KALRN: variants seen among roughly 807,000 people sequenced by gnomAD.
The protein encoded by KALRN is kalirin.
Under a neutral mutation model 353.7 loss-of-function variants are expected in KALRN, and 70 were observed. That is an observed-to-expected ratio of 0.20 (90% CI 0.16 to 0.24). The LOEUF is 0.24. KALRN is among the 10% of genes least tolerant of loss of function. The pLI, the probability that KALRN is intolerant of heterozygous loss-of-function variation, is 1.00. For missense variants in KALRN, 2,791 were observed against 3,756.7 expected (o/e 0.74, Z 6.72); for synonymous variants, 1,391 against 1,434.8 (o/e 0.97, Z 0.69).
intron 1 of KALRN, among the ~76,000 whole-genome samples, chr3:124,183,343 A>G (rs942708482): frequency 2.0e-5 from 3 of 152,146 alleles, no homozygotes; most frequent in African/African-American, 4.8e-5. Context: ...GAAGCTTCCA[A>G]TCATGGTGGA....
chr3:124,115,607 T>C (rs894798219), intron 1 of KALRN, among the ~76,000 whole-genome samples: 1 of 152,168 alleles, frequency 6.6e-6, no homozygotes, highest in African/African-American at 2.4e-5. Flanking sequence ...GTGTTGACCT[T>C]GGCTGTAGAG....
In KALRN at chr3:124,491,389, C is replaced by T. The variant is rs373617742; in HGVS notation, c.4654C>T (p.Arg1552Cys). 17 of 1,609,334 alleles carry T rather than the reference C, an allele frequency of 1.1e-5. No individual in the cohort carries two copies. The highest frequency in any genetic ancestry group is 3.4e-5 in the Admixed American group (2 of 59,542). Residue 1552 changes from arginine to cysteine, a missense_variant, in exon 31 of 60, where the codon CGC becomes TGC. By Grantham distance (180) the Arg-to-Cys change is radical. Transcript: ENST00000682506. ...CTGCAAATTCGCCTTGTGGTCTGGGCGCACCCCATCCTCAGACAATAAAAC... is the reference window on the plus strand; with the variant it reads ...CTGCAAATTCGCCTTGTGGTCTGGGTGCACCCCATCCTCAGACAATAAAAC... ...DPCKFALWSGRTPSSDNKTVL... is the reference protein window; with the variant it reads ...DPCKFALWSGCTPSSDNKTVL...
intron 26 of KALRN, among the ~76,000 whole-genome samples, chr3:124,475,392 CGTT>C (rs1561064996): frequency 6.6e-6 from 1 of 152,136 alleles, no homozygotes; most frequent in African/African-American, 2.4e-5. Flanking sequence ...TAAACTGAAA[CGTT>C]AGTCTTCATT....
intron 21 of KALRN, among the ~76,000 whole-genome samples, chr3:124,448,356 A>T (rs1365387065): frequency 6.6e-6 from 1 of 152,054 alleles, no homozygotes; most frequent in Non-Finnish European, 1.5e-5. Flanking sequence ...TTGGTCACAT[A>T]ACCACCCAGA....
intron 34 of KALRN, among the ~76,000 whole-genome samples, chr3:124,614,241 CTTATTTATTTATTTATTTATTTAT>C (rs10666219): frequency 7.0e-6 from 1 of 142,868 alleles, no homozygotes; most frequent in Admixed American, 7.0e-5. Context: ...TTCTAAAATT[CTTATTTATTTATTTATTTATTTAT>C]TTATTTATTT....
intron 33 of KALRN, among the ~76,000 whole-genome samples, chr3:124,539,442 A>C (rs1025279821): frequency 4.6e-5 from 7 of 152,148 alleles, no homozygotes; most frequent in Non-Finnish European, 5.9e-5. Context: ...TGAGCATGAC[A>C]ATAATTATCT....
Position 124,168,542 on chromosome 3 carries a change from A to G in KALRN, c.74-59448A>G, listed in dbSNP as rs553279704. Among the ~76,000 whole-genome samples the G allele has an allele frequency of 1.4e-3, 220 of 152,326 alleles. 1 individual carries two copies. Among genetic ancestry groups the G allele is most frequent in the African/African-American group, 5.1e-3 (211 of 41,578 alleles). ...GAGAGTCATTGGGAGGGCCTGGATC[A>G]GTGGCTCAGCCAAGTTAAACTAGGG... On this transcript the variant is annotated intron_variant, in intron 1 of 59. Transcript: ENST00000682506.
intron 10 of KALRN, among the ~76,000 whole-genome samples, chr3:124,366,878 G>A (rs1268318191): frequency 4.4e-5 from 6 of 135,060 alleles, no homozygotes; most frequent in South Asian, 2.3e-4. Flanking sequence ...TGGCCGGGCG[G>A]GGGGCTGACC....
chr3:124,114,290 T>C (rs2063261127), intron 1 of KALRN, among the ~76,000 whole-genome samples: 1 of 152,202 alleles, frequency 6.6e-6, no homozygotes, highest in Non-Finnish European at 1.5e-5. Context: ...AAATGGGATT[T>C]GGGGATACCA....
intron 33 of KALRN, among the ~76,000 whole-genome samples, chr3:124,557,340 AG>A (rs2071394069): frequency 6.6e-6 from 1 of 152,234 alleles, no homozygotes; most frequent in South Asian, 2.1e-4. Flanking sequence ...TCATGCTTAA[AG>A]TACAGCTGCA....
At position 124,033,585 on chromosome 3, in the gene KALRN, A is replaced by C. The variant is rs1034389410; in HGVS notation, c.-156A>C. Among the ~76,000 whole-genome samples, 1 of 150,952 alleles carries C rather than the reference A, an allele frequency of 6.6e-6. No homozygotes were observed. The highest frequency in any genetic ancestry group is 1.5e-5 in the Non-Finnish European group (1 of 67,662). ...AGGGAGGCTCAGCGTCCTCTGCCCC[A>C]GCCCCGCCGCCCAACGCCCGCCCTC... On this transcript the variant is annotated 5_prime_UTR_variant, in exon 1 of 60. Coordinates refer to ENST00000682506, the MANE Select transcript of KALRN (RefSeq NM_001388419.1). The surrounding 1 kb of genome is among the most constrained non-coding windows in gnomAD (Gnocchi z 6.2).
intron 34 of KALRN, among the ~76,000 whole-genome samples, chr3:124,599,644 G>C (rs542308848): frequency 2.6e-5 from 4 of 152,180 alleles, no homozygotes; most frequent in African/African-American, 9.7e-5. Context: ...CATTTGGGAC[G>C]TTGTACTCAG....
chr3:124,618,539 T>C (rs922264303), intron 34 of KALRN, among the ~76,000 whole-genome samples: 2 of 152,200 alleles, frequency 1.3e-5, no homozygotes, highest in Admixed American at 1.3e-4. Flanking sequence ...TTTTGAGTCT[T>C]TGTGCTTATT....
intron 2 of KALRN, 72 bp downstream of exon 2, chr3:124,228,136 A>T: frequency 8.1e-7 from 1 of 1,237,082 alleles, no homozygotes; most frequent in Non-Finnish European, 1.2e-6. Flanking sequence ...GTTCAGATTC[A>T]CTTGTGTGTT....
At chr3:124,300,322 C>G (rs890321745) in intron 6 of KALRN, among the ~76,000 whole-genome samples, 2 of 152,282 alleles carry the variant, frequency 1.3e-5, no homozygotes, top group Middle Eastern at 3.4e-3. Context: ...AACCAAGAAC[C>G]TTAAAATGTC....
chr3:124,230,868 A>C lies in KALRN; in HGVS notation c.148+2804A>C, dbSNP rs1017680450. On this transcript the variant is annotated intron_variant, in intron 2 of 59. Coordinates refer to ENST00000682506, the MANE Select transcript of KALRN (RefSeq NM_001388419.1). ...AAAACCCCCAAAACCAAAAAAAAAA[A>C]AAACAAAAAAAAAACACCAAACCAA... is the stretch of plus-strand genomic sequence containing the variant. Among the ~76,000 whole-genome samples, 7 of 121,252 alleles carry C rather than the reference A, an allele frequency of 5.8e-5. No homozygotes were observed. The East Asian group carries it at 9.4e-4, about 16-fold the overall frequency. The allele number at this position is 121,252 out of a possible 152,430, so 79.5% of individuals were successfully genotyped here. A position where few individuals can be genotyped will look rare whatever the true frequency, so the allele number is the denominator to read the frequency against.
In KALRN at chr3:124,254,998, T is replaced by G. The variant is rs540142967; in HGVS notation, c.264-9500T>G. On this transcript the variant is annotated intron_variant, in intron 3 of 59. Transcript: ENST00000682506. Reference sequence around the variant, plus strand: ...TTTGCTCTTGTTACCCAGGCTGGAGTGCAATGGTGCGATCTCAGCTCACTG... The same window carrying G: ...TTTGCTCTTGTTACCCAGGCTGGAGGGCAATGGTGCGATCTCAGCTCACTG... Among the ~76,000 whole-genome samples the G allele has an allele frequency of 7.9e-5, 12 of 152,170 alleles. No homozygotes were observed. In the South Asian group the frequency reaches 2.5e-3, roughly 32 times the overall value.
rs371301811 is a variant in KALRN, at chr3:124,391,724, G to A, written c.1963-3411G>A. On this transcript the variant is annotated intron_variant, in intron 11 of 59. Coordinates refer to ENST00000682506, the MANE Select transcript of KALRN (RefSeq NM_001388419.1). ...TACCTTATGGTGCTAAATCTCAGAG[G>A]TGCTTATTCAAAATTATGAGCTTGC... Among the ~76,000 whole-genome samples the A allele has an allele frequency of 8.5e-5, 13 of 152,304 alleles. 1 individual carries two copies. Among genetic ancestry groups the A allele is most frequent in the Admixed American group, 5.2e-4 (8 of 15,298 alleles).
intron 21 of KALRN, among the ~76,000 whole-genome samples, chr3:124,453,533 A>G (rs1489842337): frequency 4.6e-5 from 7 of 152,194 alleles, no homozygotes; most frequent in Non-Finnish European, 8.8e-5. Flanking sequence ...ATAGTAGAAT[A>G]AAGAAAGAAG....
Sources: gnomAD v4.1 joint callset for allele counts (sites outside exome capture counted in the v4.1 genomes callset) on GRCh38, gnomAD v4.1.1 for gene constraint, Gnocchi (gnomAD v3.1) non-coding constraint, MANE v1.5 for transcripts, NCBI Gene and HGNC (gene_info 2026-07-23, HGNC 2026-07-21) for gene names.